Variants in FRMD4A observed in about 807,000 individuals in gnomAD.
FRMD4A encodes FERM domain-containing protein 4A.
Under a neutral mutation model 129.1 loss-of-function variants are expected in FRMD4A, and 29 were observed. The observed-to-expected ratio is 0.22, with a 90% CI of 0.17 to 0.31. The LOEUF (loss-of-function observed/expected upper bound fraction) is 0.31. FRMD4A is among the 10% of genes least tolerant of loss of function. The pLI is 1.00. For synonymous variants in FRMD4A, 634 were observed against 571.6 expected (o/e 1.11, Z -1.56); for missense variants, 1,272 against 1,375.8 (o/e 0.92, Z 1.19).
intron 3 of FRMD4A, among the ~76,000 whole-genome samples, chr10:13,824,653 G>A (rs1158794507): frequency 2.0e-5 from 3 of 152,102 alleles, no homozygotes; most frequent in Non-Finnish European, 4.4e-5. Flanking sequence ...AGCCCTTTGG[G>A]AGGCTGAGGT....
chr10:13,665,764 G>A (rs888228429), intron 18 of FRMD4A, among the ~76,000 whole-genome samples: 9 of 152,216 alleles, frequency 5.9e-5, no homozygotes, highest in Non-Finnish European at 7.3e-5. Context: ...GTCCCTGAGA[G>A]TGTCAGAGCC....
At chr10:13,717,722 G>T (rs1420361547) in intron 12 of FRMD4A, among the ~76,000 whole-genome samples, 13 of 83,930 alleles carry the variant, frequency 1.5e-4, no homozygotes, top group Admixed American at 1.5e-3. Context: ...CAGGGGTGGC[G>T]GGGGGGGTTG....
intron 2 of FRMD4A, among the ~76,000 whole-genome samples, chr10:13,966,925 C>T (rs537499892): frequency 6.6e-6 from 1 of 152,334 alleles, no homozygotes; most frequent in African/African-American, 2.4e-5. Context: ...GCATTCTCAG[C>T]GATCTGGATG....
At chr10:13,681,342 CAG>C (rs2084564347) in intron 15 of FRMD4A, among the ~76,000 whole-genome samples, 1 of 152,134 alleles carries the variant, frequency 6.6e-6, no homozygotes. Flanking sequence ...AAAAGCTAAA[CAG>C]AGTTTAATCT....
chr10:14,239,301 CA>C (rs1843944640), intron 2 of FRMD4A, among the ~76,000 whole-genome samples: 2 of 152,116 alleles, frequency 1.3e-5, no homozygotes, highest in South Asian at 4.1e-4. Context: ...TTGATAAAAA[CA>C]AAAAGTTTTG....
chr10:13,682,249 G>C (rs567598939), intron 15 of FRMD4A, among the ~76,000 whole-genome samples: 2 of 152,020 alleles, frequency 1.3e-5, no homozygotes, highest in African/African-American at 4.8e-5. Context: ...ACTATTCCTA[G>C]CCTTTACTAG....
chr10:14,283,959 A>G (rs1453022746), intron 2 of FRMD4A, among the ~76,000 whole-genome samples: 2 of 152,252 alleles, frequency 1.3e-5, no homozygotes, highest in African/African-American at 4.8e-5. Flanking sequence ...GCTAATGAGG[A>G]AATCGATACT....
chr10:13,656,912 T>TGTCGCCCTC lies in FRMD4A; in HGVS notation c.2668_2676dup (p.Glu890_Asp892dup). On this transcript the variant is annotated inframe_insertion, in exon 22 of 25. Coordinates refer to ENST00000357447, the MANE Select transcript of FRMD4A (RefSeq NM_018027.5). ...GATCGCGACGGCGTCAGGCGGCCCG[T>TGTCGCCCTC]GTCGCCCTCGTCGCCGCCGCCGCCG... 3.3e-6 allele frequency: 5 copies of TGTCGCCCTC among 1,495,478 alleles called. No homozygotes were observed. The highest frequency in any genetic ancestry group is 4.4e-6 in the Non-Finnish European group (5 of 1,129,010). The allele number at this position is 1,495,478 out of a possible 1,614,324, so 92.6% of individuals were successfully genotyped here. A position where few individuals can be genotyped will look rare whatever the true frequency, so the allele number is the denominator to read the frequency against.
chr10:14,142,016 T>C (rs903844777), intron 2 of FRMD4A, among the ~76,000 whole-genome samples: 1 of 152,234 alleles, frequency 6.6e-6, no homozygotes, highest in Admixed American at 6.5e-5. Flanking sequence ...GAAAGATTCA[T>C]GAGAAAGGCA....
chr10:13,771,600 C>T (rs886270172), intron 6 of FRMD4A, among the ~76,000 whole-genome samples: 16 of 152,104 alleles, frequency 1.1e-4, no homozygotes, highest in Non-Finnish European at 5.9e-5. Context: ...CAGTGATAGG[C>T]CATGGAAGAT....
chr10:13,845,252 A>G (rs564454608), intron 3 of FRMD4A, among the ~76,000 whole-genome samples: 1 of 152,194 alleles, frequency 6.6e-6, no homozygotes, highest in Non-Finnish European at 1.5e-5. Flanking sequence ...CTGTCATCCT[A>G]TGACCTTGAC....
chr10:14,095,534 C>G (rs954921017), intron 2 of FRMD4A, among the ~76,000 whole-genome samples: 22 of 152,168 alleles, frequency 1.4e-4, no homozygotes, highest in African/African-American at 5.1e-4. Flanking sequence ...AGCACCTCGC[C>G]GGGATACTGC....
At chr10:13,905,538 T>C (rs1235136451) in intron 2 of FRMD4A, among the ~76,000 whole-genome samples, 1 of 152,178 alleles carries the variant, frequency 6.6e-6, no homozygotes, top group Non-Finnish European at 1.5e-5. Context: ...CCCTTGGAAA[T>C]GGTTATAACC....
At chr10:14,247,949 C>T (rs1844303266) in intron 2 of FRMD4A, among the ~76,000 whole-genome samples, 1 of 152,224 alleles carries the variant, frequency 6.6e-6, no homozygotes, top group African/African-American at 2.4e-5. Context: ...AACGACTCTA[C>T]ATGGCCAAAC....
At chr10:14,279,283 G>A (rs1483659694) in intron 2 of FRMD4A, among the ~76,000 whole-genome samples, 2 of 148,810 alleles carry the variant, frequency 1.3e-5, no homozygotes, top group Admixed American at 6.8e-5. Context: ...CCGCCTCCCA[G>A]GTTCATGCAG....
At chr10:14,001,354 C>T (rs534265387) in intron 2 of FRMD4A, among the ~76,000 whole-genome samples, 2 of 152,310 alleles carry the variant, frequency 1.3e-5, no homozygotes, top group South Asian at 4.1e-4. Context: ...ACAAGCTATT[C>T]AAAGAAGAGA....
intron 2 of FRMD4A, among the ~76,000 whole-genome samples, chr10:14,211,401 G>C (rs1257970489): frequency 6.6e-6 from 1 of 152,178 alleles, no homozygotes; most frequent in East Asian, 1.9e-4. Context: ...TCTGGTTTGA[G>C]GGCCTAAGCT....
intron 2 of FRMD4A, among the ~76,000 whole-genome samples, chr10:13,978,135 C>G (rs2095548475): frequency 6.6e-6 from 1 of 152,220 alleles, no homozygotes; most frequent in South Asian, 2.1e-4. Flanking sequence ...GTTCCAATTT[C>G]TCTACCTCCT....
intron 2 of FRMD4A, among the ~76,000 whole-genome samples, chr10:14,102,503 CTTCAT>C (rs1837361081): frequency 1.3e-5 from 2 of 152,300 alleles, no homozygotes; most frequent in South Asian, 4.1e-4. Flanking sequence ...TCACCCAGCT[CTTCAT>C]TGCACAGGTA....
Sources: allele counts gnomAD v4.1 joint callset (sites outside exome capture counted in the v4.1 genomes callset), GRCh38; gene constraint gnomAD v4.1.1; transcripts MANE v1.5; gene names NCBI Gene and HGNC (gene_info 2026-07-23, HGNC 2026-07-21).